BAZ1A: variants seen among roughly 807,000 people sequenced by gnomAD.
The protein encoded by BAZ1A is bromodomain adjacent to zinc finger domain protein 1A.
Under a neutral mutation model 185.2 loss-of-function variants are expected in BAZ1A, and 50 were observed. The observed-to-expected ratio is 0.27, with a 90% confidence interval of 0.22 to 0.34. The LOEUF is 0.34. BAZ1A is among the 10% of genes least tolerant of loss of function. BAZ1A has a pLI of 1.00. For synonymous variants in BAZ1A, 571 were observed against 615.6 expected (o/e 0.93, Z 1.07); for missense variants, 1,356 against 1,839.9 (o/e 0.74, Z 4.81).
intron 12 of BAZ1A, among the ~76,000 whole-genome samples, chr14:34,790,250 C>T (rs1379820078): frequency 6.6e-6 from 1 of 151,840 alleles, no homozygotes; most frequent in African/African-American, 2.4e-5. Flanking sequence ...ATCACTGCAG[C>T]CTCAAACTCC....
Position 34,810,990 on chromosome 14 carries a change from G to T in BAZ1A, c.583C>A (p.Gln195Lys). 6.2e-7 allele frequency: 1 copy of T among 1,609,950 alleles called. No individual in the cohort carries two copies. Among genetic ancestry groups the T allele is most frequent in the Non-Finnish European group, 8.5e-7 (1 of 1,177,668 alleles). Residue 195 changes from glutamine (Q) to lysine (K), a missense_variant, in exon 5 of 27, where the codon CAA (glutamine) becomes AAA (lysine). Physicochemically the swap from Gln to Lys is moderately conservative, Grantham distance 53. Coordinates refer to ENST00000360310, the MANE Select transcript of BAZ1A (RefSeq NM_013448.3). ...IDPLLFKYKV[Q>K]PTKKELHESA... is the part of the protein sequence containing the mutation. The stretch of plus-strand genomic sequence containing the variant: ...TCATGTAATTCTTTTTTAGTGGGTT[G>T]CACTTTATACTTGAATAGTAAGGGA...
intron 10 of BAZ1A, among the ~76,000 whole-genome samples, chr14:34,795,451 T>G (rs1881133009): frequency 6.6e-6 from 1 of 152,228 alleles, no homozygotes; most frequent in African/African-American, 2.4e-5. Context: ...CAAACTGACC[T>G]ATTATTTCTA....
At chr14:34,770,847 A>AT (rs1230090840) in intron 21 of BAZ1A, among the ~76,000 whole-genome samples, 2 of 152,084 alleles carry the variant, frequency 1.3e-5, no homozygotes, top group Non-Finnish European at 2.9e-5. Flanking sequence ...GGTATTTCTG[A>AT]TATAGCATGT....
intron 3 of BAZ1A, among the ~76,000 whole-genome samples, chr14:34,860,898 C>CAA (rs904252182): frequency 2.1e-5 from 3 of 143,560 alleles, no homozygotes; most frequent in Admixed American, 7.0e-5. Context: ...AACTCCGTCT[C>CAA]AAAAAAAAAA....
rs186792389 is a variant in BAZ1A, at chr14:34,763,886, T to G, written c.3776+821A>C. 3.3e-5 allele frequency among the ~76,000 whole-genome samples: 5 copies of G among 152,360 alleles called. No individual in the cohort carries two copies. In the East Asian group the frequency reaches 9.6e-4, roughly 29 times the overall value. On this transcript the variant is annotated intron_variant, in intron 23 of 26. Transcript: ENST00000360310. The stretch of plus-strand genomic sequence containing the variant: ...CAAAAAAATTTGTAACTTGCTTTAT[T>G]GCTGTGGTCTGGAATTGAAATGGCA...
chr14:34,816,717 A>G, intron 4 of BAZ1A: 1 of 302,232 alleles, frequency 3.3e-6, no homozygotes, highest in Non-Finnish European at 6.8e-6. Context: ...AAACTCACCT[A>G]TACCTGGCAC....
At chr14:34,814,157 A>G (rs2041971777) in intron 4 of BAZ1A, among the ~76,000 whole-genome samples, 1 of 151,978 alleles carries the variant, frequency 6.6e-6, no homozygotes, top group South Asian at 2.1e-4. Flanking sequence ...CTTTTTGAAT[A>G]GGTCTCAACT....
At chr14:34,857,698 C>G (rs1238203282) in intron 3 of BAZ1A, among the ~76,000 whole-genome samples, 1 of 152,206 alleles carries the variant, frequency 6.6e-6, no homozygotes, top group Non-Finnish European at 1.5e-5. Flanking sequence ...GTAGTAGCCT[C>G]CAAACTGGTT....
intron 3 of BAZ1A, among the ~76,000 whole-genome samples, chr14:34,860,518 T>TAAAAAAAAAAAAAAAA (rs397852116): frequency 1.4e-5 from 1 of 70,608 alleles, no homozygotes. Flanking sequence ...TACCAAAAGT[T>TAAAAAAAAAAAAAAAA]AAAAAAAAAA....
chr14:34,777,288 C>G (rs1342164082), intron 17 of BAZ1A, among the ~76,000 whole-genome samples: 1 of 152,212 alleles, frequency 6.6e-6, no homozygotes, highest in Admixed American at 6.5e-5. Context: ...ACAGTGAAAT[C>G]TGAATTTCAT....
chr14:34,851,744 G>A (rs1457219115), intron 3 of BAZ1A, among the ~76,000 whole-genome samples: 3 of 151,968 alleles, frequency 2.0e-5, no homozygotes, highest in African/African-American at 7.3e-5. Context: ...GATCCCTTGA[G>A]CCCAAGAGGC....
At chr14:34,760,561 A>T (rs1886479263) in intron 24 of BAZ1A, among the ~76,000 whole-genome samples, 3 of 151,548 alleles carry the variant, frequency 2.0e-5, no homozygotes, top group Admixed American at 2.0e-4. Flanking sequence ...ACAAAAAAAT[A>T]GGGCCAGGCC....
intron 2 of BAZ1A, among the ~76,000 whole-genome samples, chr14:34,869,023 G>A (rs1010057599): frequency 3.3e-5 from 5 of 150,030 alleles, no homozygotes; most frequent in Admixed American, 6.7e-5. Flanking sequence ...TGGCTAACAC[G>A]GTGAAACCTC....
chr14:34,764,557 G>C, intron 23 of BAZ1A, 150 bp downstream of exon 23: 1 of 1,093,992 alleles, frequency 9.1e-7, no homozygotes, highest in Non-Finnish European at 1.3e-6. Flanking sequence ...CTCCCAAAGT[G>C]CTGGGATTAT....
At position 34,782,418 on chromosome 14, in the gene BAZ1A, A is replaced by AT. The variant is rs537067831; in HGVS notation, c.2111+700dup. ...ACTTTTTAATTGGGTTGTTTTTAAG[A>AT]TTTTTTTTCTTTTAATTATTTCTTC... On this transcript the variant is annotated intron_variant, in intron 16 of 26. Coordinates refer to ENST00000360310, the MANE Select transcript of BAZ1A (RefSeq NM_013448.3). 3.4e-4 allele frequency among the ~76,000 whole-genome samples: 52 copies of AT among 151,772 alleles called. 1 individual carries two copies. The South Asian group carries it at 4.4e-3, about 13-fold the overall frequency.
Position 34,764,802 on chromosome 14 carries a change from A to T in BAZ1A, c.3681T>A (p.Asp1227Glu). The part of the protein sequence containing the change: ...DVEDSMGGED[D>E]EVDGDEEEGQ... ...CTTCTTCTTCATCGCCATCAACTTC[A>T]TCATCCTCACCTCCCATACTGTCTT... is the stretch of plus-strand genomic sequence containing the variant. The change falls in exon 23 of 27, where the codon GAT (aspartate) becomes GAA (glutamate). Residue 1227 changes from aspartate to glutamate, a missense_variant. By Grantham distance (45) the Asp-to-Glu change is conservative. Transcript: ENST00000360310. The T allele has an allele frequency of 1.2e-6, 2 of 1,612,956 alleles. No individual in the cohort carries two copies. Among genetic ancestry groups the T allele is most frequent in the South Asian group, 1.1e-5 (1 of 91,040 alleles).
At position 34,874,620 on chromosome 14, in the gene BAZ1A, G is replaced by C. The variant is rs904698794; in HGVS notation, c.-16C>G. On this transcript the variant is annotated 5_prime_UTR_variant, in exon 2 of 27. Coordinates refer to ENST00000360310, the MANE Select transcript of BAZ1A (RefSeq NM_013448.3). This position sits in a 1 kb window ranked among gnomAD's most constrained non-coding sequence, Gnocchi z 4.7. ...GCAGCGGCATCTCCCGTCCGCCCGC[G>C]GGCTCGCCTGGACCCTCGGCCGCCC... 2.5e-6 allele frequency: 4 copies of C among 1,599,226 alleles called. No individual in the cohort carries two copies. Among genetic ancestry groups the C allele is most frequent in the Non-Finnish European group, 3.4e-6 (4 of 1,171,912 alleles).
chr14:34,857,479 T>C (rs1171729110), intron 3 of BAZ1A, among the ~76,000 whole-genome samples: 1 of 152,156 alleles, frequency 6.6e-6, no homozygotes, highest in Non-Finnish European at 1.5e-5. Context: ...TCTTACCATC[T>C]ACTAAAGGCA....
At chr14:34,803,501 C>T (rs1881687787) in intron 6 of BAZ1A, among the ~76,000 whole-genome samples, 1 of 151,720 alleles carries the variant, frequency 6.6e-6, no homozygotes, top group African/African-American at 2.4e-5. Context: ...ATTAGCCTTA[C>T]CAAAAAGAAA....
Sources: gnomAD v4.1 joint callset for allele counts (sites outside exome capture counted in the v4.1 genomes callset) on GRCh38, gnomAD v4.1.1 for gene constraint, Gnocchi (gnomAD v3.1) non-coding constraint, MANE v1.5 for transcripts, NCBI Gene and HGNC (gene_info 2026-07-23, HGNC 2026-07-21) for gene names.